The following PDE6A variants were observed in gnomAD, a reference collection of about 807,000 sequenced individuals.
PDE6A encodes phosphodiesterase 6A.
A neutral mutation model predicts 106.3 loss-of-function variants in PDE6A; 84 were observed. The ratio of observed to expected loss-of-function variants is 0.79; its 90% CI spans 0.66 to 0.95. The LOEUF (loss-of-function observed/expected upper bound fraction) is 0.95. Among genes scored for constraint, PDE6A ranks in the 40% least tolerant of loss-of-function variants. PDE6A has a pLI of 0.00. For synonymous variants in PDE6A, 394 were observed against 386.6 expected, an observed-to-expected ratio of 1.02 and a Z score of -0.23; for missense variants, 1,052 against 1,084.9, an observed-to-expected ratio of 0.97 and a Z score of 0.43.
chr5:149,936,158 AAAGG>A (rs151028032), intron 1 of PDE6A, among the ~76,000 whole-genome samples: 5,833 of 130,692 alleles, frequency 0.045, 149 homozygotes, highest in African/African-American at 0.058. Context: ...TGTCTCTAAA[AAAGG>A]AAGGAAGGAA....
intron 17 of PDE6A, among the ~76,000 whole-genome samples, chr5:149,881,205 T>A (rs567197464): frequency 6.6e-6 from 1 of 152,192 alleles, no homozygotes; most frequent in Non-Finnish European, 1.5e-5. Flanking sequence ...CTCAAAGAAC[T>A]TCAAGTAGAA....
intron 4 of PDE6A, among the ~76,000 whole-genome samples, chr5:149,929,908 C>T (rs1333675073): frequency 1.3e-5 from 2 of 152,116 alleles, no homozygotes; most frequent in Non-Finnish European, 2.9e-5. Flanking sequence ...TCTGTGTCTA[C>T]GTTGTCCTTC....
chr5:149,869,377 A>T (rs1049256580), intron 17 of PDE6A, among the ~76,000 whole-genome samples: 1 of 151,416 alleles, frequency 6.6e-6, no homozygotes, highest in Non-Finnish European at 1.5e-5. Flanking sequence ...TAAAGAAAGT[A>T]GGTAGAAAGA....
At chr5:149,942,445 C>A (rs914901716) in intron 1 of PDE6A, among the ~76,000 whole-genome samples, 1 of 152,152 alleles carries the variant, frequency 6.6e-6, no homozygotes, top group Non-Finnish European at 1.5e-5. Context: ...GGGAAGTCAC[C>A]ATATTGATGC....
At chr5:149,886,455 G>A in intron 13 of PDE6A, 81 bp from the exon 14 acceptor site, 1 of 1,034,168 alleles carries the variant, frequency 9.7e-7, no homozygotes, top group Non-Finnish European at 1.5e-6. Context: ...GTAAGGAGGA[G>A]GGCCCAGAAC....
chr5:149,896,397 A>G lies in PDE6A; in HGVS notation c.1579T>C (p.Tyr527His). The change falls in exon 12 of 22, where the codon TAT (tyrosine) becomes CAT (histidine). Residue 527 changes from tyrosine to histidine, a missense_variant. Physicochemically the swap from Tyr to His is moderately conservative, Grantham distance 83. Around this residue, in one of 3 missense-constraint regions of PDE6A, gnomAD observed 913 missense variants for 915.2 expected, o/e 1.00. Transcript: ENST00000255266. ...ELVKCGIQMY[Y>H]ELKVVDKFHI... ...AATTTATCCACCACTTTGAGCTCAT[A>G]ATACATCTGTATTCCACATTTTACC... 1 of 1,614,062 alleles carries G rather than the reference A, an allele frequency of 6.2e-7. No homozygotes were observed. Among genetic ancestry groups the G allele is most frequent in the Non-Finnish European group, 8.5e-7 (1 of 1,179,924 alleles).
At chr5:149,893,298 G>T (rs1234946997) in intron 13 of PDE6A, among the ~76,000 whole-genome samples, 2 of 152,096 alleles carry the variant, frequency 1.3e-5, no homozygotes, top group African/African-American at 2.4e-5. Flanking sequence ...AATTCAAAAG[G>T]TCCCTCCAGA....
intron 13 of PDE6A, among the ~76,000 whole-genome samples, chr5:149,891,116 C>G (rs563509498): frequency 1.3e-5 from 2 of 152,288 alleles, no homozygotes; most frequent in East Asian, 3.9e-4. Flanking sequence ...CATGACTCAT[C>G]ATGGAAGAGA....
At chr5:149,894,653 G>A (rs1435382209) in intron 13 of PDE6A, among the ~76,000 whole-genome samples, 5 of 72,274 alleles carry the variant, frequency 6.9e-5, no homozygotes, top group African/African-American at 1.9e-4. Context: ...TTTTTTTTGA[G>A]ACAGAGTCTC....
chr5:149,941,617 C>T (rs1401364621), intron 1 of PDE6A, among the ~76,000 whole-genome samples: 1 of 152,224 alleles, frequency 6.6e-6, no homozygotes, highest in Non-Finnish European at 1.5e-5. Context: ...CACCTCTGTG[C>T]TGCTCCTGCC....
rs560865338 is a variant in PDE6A, at chr5:149,944,730, G to A, written c.-57C>T. The A allele has an allele frequency of 2.3e-4, 318 of 1,387,290 alleles. No homozygotes were observed. The African/African-American group carries it at 4.1e-3, about 18-fold the overall frequency. 85.9% of individuals were successfully genotyped at this position (1,387,290 alleles called of 1,614,324 possible). Reference sequence around the variant, plus strand: ...GGACTGGGACGGAGGCCTTCCAATGGCAGTTTTGCAGTCTGCAACAAGTCC... The same window carrying A: ...GGACTGGGACGGAGGCCTTCCAATGACAGTTTTGCAGTCTGCAACAAGTCC... On this transcript the variant is annotated 5_prime_UTR_variant, in exon 1 of 22. Coordinates refer to ENST00000255266, the MANE Select transcript of PDE6A (RefSeq NM_000440.3).
chr5:149,927,498 G>A (rs561654246), intron 4 of PDE6A, among the ~76,000 whole-genome samples: 2 of 151,898 alleles, frequency 1.3e-5, no homozygotes, highest in Non-Finnish European at 2.9e-5. Flanking sequence ...CTGCAGATTC[G>A]GACTCCTGGT....
intron 18 of PDE6A, 35 bp downstream of exon 18, chr5:149,868,060 G>A (rs1307597305): frequency 8.7e-6 from 14 of 1,601,596 alleles, no homozygotes; most frequent in Non-Finnish European, 1.1e-5. Context: ...CCAGTACTGG[G>A]ATGCCCCTCC....
rs375091822 is a variant in PDE6A at position 149,899,389 on chromosome 5, C to G, written c.1249G>C (p.Glu417Gln). Reference protein sequence around the residue: ...KDGKPFDEMDETLMESLTQFL... With the variant: ...KDGKPFDEMDQTLMESLTQFL... ...GCAAGCCATACCTCCATGAGCGTCTCATCCATTTCATCAAAGGGCTTCCCA... is the reference window on the plus strand; with the variant it reads ...GCAAGCCATACCTCCATGAGCGTCTGATCCATTTCATCAAAGGGCTTCCCA... Residue 417 changes from glutamate to glutamine, a missense_variant, in exon 9 of 22, where the codon GAG becomes CAG. Coordinates refer to ENST00000255266, the MANE Select transcript of PDE6A (RefSeq NM_000440.3). 10 of 1,614,044 alleles carry G rather than the reference C, an allele frequency of 6.2e-6. No homozygotes were observed. In the African/African-American group the frequency reaches 1.3e-4, roughly 22 times the overall value.
intron 1 of PDE6A, 21 bp downstream of exon 1, chr5:149,944,179 C>T: frequency 6.3e-7 from 1 of 1,585,076 alleles, no homozygotes; most frequent in South Asian, 1.1e-5. Flanking sequence ...CATGCCCTCT[C>T]TCTCATGGGG....
intron 8 of PDE6A, among the ~76,000 whole-genome samples, chr5:149,900,375 G>GTGTATATATATATA (rs371287292): frequency 4.2e-4 from 35 of 82,644 alleles, no homozygotes; most frequent in Middle Eastern, 7.4e-3. Context: ...AAATATATAT[G>GTGTATATATATATA]TATATATATA....
Position 149,884,599 on chromosome 5 carries a change from C to A in PDE6A, c.1927-20G>T. 6.3e-7 allele frequency: 1 copy of A among 1,589,914 alleles called. No individual in the cohort carries two copies. Among genetic ancestry groups the A allele is most frequent in the Middle Eastern group, 1.7e-4 (1 of 6,026 alleles). ...CAGGCTCTAAAGAAAAAAAGAGAAG[C>A]GAGATGGGAGAGAATTGATGCTGGC... On this transcript the variant is annotated intron_variant, in intron 15 of 21. Transcript: ENST00000255266.
intron 4 of PDE6A, among the ~76,000 whole-genome samples, chr5:149,928,228 TA>T (rs1299268696): frequency 7.9e-5 from 5 of 63,016 alleles, no homozygotes; most frequent in East Asian, 5.6e-4. Flanking sequence ...TATATATATA[TA>T]TATTTTTTTT....
chr5:149,896,911 A>G, intron 10 of PDE6A, 135 bp from the exon 11 acceptor site: 2 of 952,010 alleles, frequency 2.1e-6, no homozygotes, highest in Non-Finnish European at 3.3e-6. Flanking sequence ...TTTAACATCC[A>G]TTGATGCACA....
Sources: gnomAD v4.1 joint callset for allele counts (sites outside exome capture counted in the v4.1 genomes callset) on GRCh38, gnomAD v4.1.1 for gene constraint, gnomAD v4.1.1 regional missense constraint, MANE v1.5 for transcripts, NCBI Gene and HGNC (gene_info 2026-07-23, HGNC 2026-07-21) for gene names.